The following CNKSR2 variants were observed in gnomAD, a reference collection of about 807,000 sequenced individuals.
CNKSR2 encodes CNK homolog protein 2.
A neutral mutation model predicts 84.4 loss-of-function variants in CNKSR2; 14 were observed. The observed-to-expected ratio is 0.17, with a 90% CI of 0.11 to 0.26. The LOEUF (loss-of-function observed/expected upper bound fraction) is 0.26, where lower values mean the gene tolerates loss of function less well. CNKSR2 is among the 10% of genes least tolerant of loss of function. The pLI is 1.00. For missense variants in CNKSR2, 485 were observed against 771.2 expected (o/e 0.63, Z 4.40); for synonymous variants, 275 against 277.9 (o/e 0.99, Z 0.10).
At chrX:21,649,886 C>T (rs913136818) in intron 21 of CNKSR2, among the ~76,000 whole-genome samples, 2 of 112,253 alleles carry the variant, frequency 1.8e-5, no homozygotes, top group East Asian at 2.8e-4. Context: ...TACCATCTCA[C>T]GCCAGTTAGA....
chrX:21,399,312 C>T (rs764783889), intron 1 of CNKSR2, among the ~76,000 whole-genome samples: 3 of 111,024 alleles, frequency 2.7e-5, no homozygotes, highest in African/African-American at 9.8e-5. Context: ...AATCCAATGG[C>T]TACTTTCTGA....
intron 20 of CNKSR2, among the ~76,000 whole-genome samples, chrX:21,628,906 A>G (rs1271089517): frequency 8.9e-6 from 1 of 112,347 alleles, no homozygotes; most frequent in African/African-American, 3.2e-5. Context: ...TCCTCAGAAA[A>G]TGGGATTTTC....
chrX:21,466,460 T>C (rs752093392), intron 4 of CNKSR2, among the ~76,000 whole-genome samples: 21 of 112,141 alleles, frequency 1.9e-4, no homozygotes, highest in African/African-American at 6.1e-4. Flanking sequence ...ATTTAAATAC[T>C]TAACATGATG....
chrX:21,448,644 CT>C (rs1304897274), intron 4 of CNKSR2, among the ~76,000 whole-genome samples: 1 of 111,434 alleles, frequency 9.0e-6, no homozygotes, highest in Non-Finnish European at 1.9e-5. Context: ...CTTATTATGT[CT>C]TGTACTTTCA....
intron 17 of CNKSR2, among the ~76,000 whole-genome samples, chrX:21,595,856 A>G (rs936751383): frequency 5.4e-5 from 6 of 111,795 alleles, no homozygotes; most frequent in African/African-American, 1.6e-4. Flanking sequence ...CCAACAAATC[A>G]GATAGCTCAG....
intron 20 of CNKSR2, among the ~76,000 whole-genome samples, chrX:21,638,897 G>A (rs954192885): frequency 2.7e-5 from 3 of 111,313 alleles, no homozygotes; most frequent in Admixed American, 1.9e-4. Flanking sequence ...GCCCAGGCTC[G>A]TCTCAAACTG....
At chrX:21,477,104 T>TTG (rs1252493732) in intron 5 of CNKSR2, among the ~76,000 whole-genome samples, 12 of 111,705 alleles carry the variant, frequency 1.1e-4, no homozygotes, top group Admixed American at 9.5e-4. Flanking sequence ...GCCATTCTCA[T>TTG]TGGTGAGCCT....
In CNKSR2 at chrX:21,457,784, C is replaced by T. The variant is rs779778825; in HGVS notation, c.520-12982C>T. Among the ~76,000 whole-genome samples, 11 of 111,567 alleles carry T rather than the reference C, an allele frequency of 9.9e-5. No homozygotes were observed. In the South Asian group the frequency reaches 4.1e-3, roughly 42 times the overall value. The stretch of plus-strand genomic sequence containing the variant: ...CTTAGGAGTCATCTTAATTCAGCTG[C>T]TTTTGAAATTTGTGTGTGGATCATG... On this transcript the variant is annotated intron_variant, in intron 4 of 21. Transcript: ENST00000379510.
intron 1 of CNKSR2, among the ~76,000 whole-genome samples, chrX:21,417,141 T>G (rs140195344): frequency 2.7e-5 from 3 of 112,176 alleles, no homozygotes; most frequent in Non-Finnish European, 3.8e-5. Flanking sequence ...TCAAGAAAGT[T>G]TTCAATTTCC....
At chrX:21,612,058 G>T (rs2092553165) in intron 20 of CNKSR2, among the ~76,000 whole-genome samples, 1 of 112,085 alleles carries the variant, frequency 8.9e-6, no homozygotes, top group Non-Finnish European at 1.9e-5. Context: ...ATGGTTTTCT[G>T]CATTGCTATT....
At chrX:21,631,038 A>G (rs951192438) in intron 20 of CNKSR2, among the ~76,000 whole-genome samples, 1 of 110,939 alleles carries the variant, frequency 9.0e-6, no homozygotes, top group African/African-American at 3.3e-5. Context: ...TTTAAAAAAA[A>G]AGAAAAACTG....
At chrX:21,604,738 C>T (rs2092506212) in intron 18 of CNKSR2, among the ~76,000 whole-genome samples, 1 of 111,454 alleles carries the variant, frequency 9.0e-6, no homozygotes, top group African/African-American at 3.3e-5. Flanking sequence ...AGAATGCTGG[C>T]AGGGTGATCT....
At chrX:21,565,905 AT>A (rs887995043) in intron 13 of CNKSR2, among the ~76,000 whole-genome samples, 1 of 111,277 alleles carries the variant, frequency 9.0e-6, no homozygotes, top group Non-Finnish European at 1.9e-5. Flanking sequence ...CAGCAACCCT[AT>A]TTGCAAATAA....
intron 11 of CNKSR2, among the ~76,000 whole-genome samples, chrX:21,556,556 C>T (rs1406956199): frequency 2.7e-5 from 3 of 110,191 alleles, no homozygotes; most frequent in African/African-American, 6.6e-5. Flanking sequence ...CTTAGGGTGC[C>T]GGGTAAGGAA....
intron 1 of CNKSR2, among the ~76,000 whole-genome samples, chrX:21,410,028 GTGTC>G (rs1297392218): frequency 1.1e-5 from 1 of 93,357 alleles, no homozygotes; most frequent in East Asian, 3.3e-4. Context: ...AAGCCTAATT[GTGTC>G]TGTGTGTGTG....
chrX:21,586,189 C>T (rs1203154981), intron 13 of CNKSR2, among the ~76,000 whole-genome samples: 1 of 111,247 alleles, frequency 9.0e-6, no homozygotes, highest in Non-Finnish European at 1.9e-5. Context: ...ACCAATGGAC[C>T]TCAGCTATGT....
chrX:21,610,006 G>A (rs1163267995), intron 20 of CNKSR2, among the ~76,000 whole-genome samples: 1 of 112,092 alleles, frequency 8.9e-6, no homozygotes, highest in African/African-American at 3.2e-5. Flanking sequence ...TTTCAAGCAG[G>A]TTGTTAGCAG....
intron 5 of CNKSR2, among the ~76,000 whole-genome samples, chrX:21,477,811 C>T (rs1309494967): frequency 8.9e-6 from 1 of 111,865 alleles, no homozygotes; most frequent in African/African-American, 3.2e-5. Flanking sequence ...TAAAAGTGAT[C>T]ATATTAATGT....
intron 9 of CNKSR2, among the ~76,000 whole-genome samples, chrX:21,526,044 C>T (rs2091831789): frequency 9.0e-6 from 1 of 110,875 alleles, no homozygotes; most frequent in Non-Finnish European, 1.9e-5. Flanking sequence ...ATTGGGAGTG[C>T]TCTTAAGTTA....
Sources: gnomAD v4.1 joint callset for allele counts (sites outside exome capture counted in the v4.1 genomes callset) on GRCh38, gnomAD v4.1.1 for gene constraint, MANE v1.5 for transcripts, NCBI Gene and HGNC (gene_info 2026-07-23, HGNC 2026-07-21) for gene names.